Variants in FLT1 observed in about 807,000 individuals in gnomAD.
The protein encoded by FLT1 is fms related receptor tyrosine kinase 1.
FLT1 carries 49 observed loss-of-function variants against 156.3 expected under a neutral mutation model. The ratio of observed to expected loss-of-function variants is 0.31; its 90% CI spans 0.25 to 0.40. The LOEUF (loss-of-function observed/expected upper bound fraction) is 0.40, where lower values mean the gene tolerates loss of function less well. Ranked by LOEUF, FLT1 falls within the 10% of genes least tolerant of loss-of-function variation. The pLI is 1.00. For synonymous variants in FLT1, 594 were observed against 583.8 expected (o/e 1.02, Z -0.25); for missense variants, 1,322 against 1,637.2 (o/e 0.81, Z 3.32).
At chr13:28,475,867 G>A (rs1438014124) in intron 1 of FLT1, among the ~76,000 whole-genome samples, 3 of 152,176 alleles carry the variant, frequency 2.0e-5, no homozygotes, top group Non-Finnish European at 4.4e-5. Flanking sequence ...CTTTGATGAA[G>A]AGCATTATAA....
intron 1 of FLT1, among the ~76,000 whole-genome samples, chr13:28,493,062 A>G (rs1441214643): frequency 6.6e-6 from 1 of 152,228 alleles, no homozygotes; most frequent in Admixed American, 6.5e-5. Context: ...CCACTGATCT[A>G]AGATGCTTCC....
chr13:28,466,534 C>T (rs1033682324), intron 3 of FLT1, among the ~76,000 whole-genome samples: 1 of 152,160 alleles, frequency 6.6e-6, no homozygotes, highest in African/African-American at 2.4e-5. Flanking sequence ...TAAGAGAATG[C>T]AGCTGTGTTA....
rs57304530 is a variant in FLT1 at position 28,357,868 on chromosome 13, C to CTTTTTTTTTTTTTTTTTTTT, written c.2117-203_2117-184dup. Among the ~76,000 whole-genome samples the CTTTTTTTTTTTTTTTTTTTT allele has an allele frequency of 3.7e-4, 39 of 104,724 alleles. 1 individual carries two copies. The highest frequency in any genetic ancestry group is 1.2e-3 in the African/African-American group (33 of 26,970). The allele number at this position is 104,724 out of a possible 152,430, so 68.7% of individuals were successfully genotyped here. A position where few individuals can be genotyped will look rare whatever the true frequency, so the allele number is the denominator to read the frequency against. ...CCAGGCTTTCTTTTTCTTTTCTTTC[C>CTTTTTTTTTTTTTTTTTTTT]TTTTTTTTTTTTTTTTTTTTTCTGC... On this transcript the variant is annotated intron_variant, in intron 14 of 29. Coordinates refer to ENST00000282397, the MANE Select transcript of FLT1 (RefSeq NM_002019.4).
intron 14 of FLT1, among the ~76,000 whole-genome samples, chr13:28,366,043 A>G (rs1279189571): frequency 6.6e-6 from 1 of 152,150 alleles, no homozygotes; most frequent in Non-Finnish European, 1.5e-5. Context: ...GCTCCAACCT[A>G]TTGAGAATTT....
chr13:28,413,078 C>T (rs998995218), intron 10 of FLT1, among the ~76,000 whole-genome samples: 4 of 151,996 alleles, frequency 2.6e-5, no homozygotes, highest in African/African-American at 9.7e-5. Context: ...GGAGCTCATA[C>T]TGAAAATTAC....
rs891852514 is a variant in FLT1 at position 28,386,225 on chromosome 13, C to T, written c.1970-1194G>A. The T allele has an allele frequency of 1.2e-5, 13 of 1,053,106 alleles. No individual in the cohort carries two copies. In the Admixed American group the frequency reaches 5.5e-4, roughly 44 times the overall value. 65.2% of individuals were successfully genotyped at this position (1,053,106 alleles called of 1,614,324 possible). On this transcript the variant is annotated intron_variant, in intron 13 of 29. Transcript: ENST00000282397. ...ATTCCATGTCCCTGCAGGGTTCTGCCACGTCCCAAAACCTTTCCCTTTTGA... is the reference window on the plus strand; with the variant it reads ...ATTCCATGTCCCTGCAGGGTTCTGCTACGTCCCAAAACCTTTCCCTTTTGA...
At chr13:28,457,348 A>G (rs977265828) in intron 3 of FLT1, among the ~76,000 whole-genome samples, 1 of 152,160 alleles carries the variant, frequency 6.6e-6, no homozygotes, top group Non-Finnish European at 1.5e-5. Context: ...TTATTAAGCA[A>G]TTTGTCCAAA....
chr13:28,357,425 A>G (rs1593705569), intron 15 of FLT1, 129 bp downstream of exon 15: 19 of 906,598 alleles, frequency 2.1e-5, no homozygotes, highest in South Asian at 1.3e-5. Flanking sequence ...TGGCAGGGAG[A>G]GGGGAGAAGG....
chr13:28,315,384 A>G (rs1488476929), intron 25 of FLT1, among the ~76,000 whole-genome samples: 1 of 152,178 alleles, frequency 6.6e-6, no homozygotes, highest in Admixed American at 6.5e-5. Context: ...GAGAAACCCC[A>G]TCTCTACAAA....
intron 3 of FLT1, among the ~76,000 whole-genome samples, chr13:28,440,657 G>T (rs944749189): frequency 1.3e-5 from 2 of 152,110 alleles, no homozygotes; most frequent in Non-Finnish European, 2.9e-5. Flanking sequence ...TTCAGAGTAC[G>T]CCTCAAAGCC....
At chr13:28,461,409 A>G (rs1337858555) in intron 3 of FLT1, among the ~76,000 whole-genome samples, 4 of 152,270 alleles carry the variant, frequency 2.6e-5, no homozygotes, top group African/African-American at 9.6e-5. Flanking sequence ...TGGTTTCTCA[A>G]TGTATGAGCT....
chr13:28,377,962 T>A lies in FLT1; in HGVS notation c.2116+6923A>T, dbSNP rs537582953. Reference sequence around the variant, plus strand: ...CTTTATACATGGCATGTCTAGTTTTTAAAAAAAATGCTTTATGTGATTTTA... The same window carrying A: ...CTTTATACATGGCATGTCTAGTTTTAAAAAAAAATGCTTTATGTGATTTTA... On this transcript the variant is annotated intron_variant, in intron 14 of 29. Coordinates refer to ENST00000282397, the MANE Select transcript of FLT1 (RefSeq NM_002019.4). Among the ~76,000 whole-genome samples, 10 of 152,118 alleles carry A rather than the reference T, an allele frequency of 6.6e-5. No homozygotes were observed. In the East Asian group the frequency reaches 9.6e-4, roughly 15 times the overall value.
chr13:28,309,920 T>C (rs113112184), intron 27 of FLT1, among the ~76,000 whole-genome samples: 26,540 of 135,958 alleles, frequency 0.2, 2,847 homozygotes, highest in Non-Finnish European at 0.24. Context: ...GACAGAGCCT[T>C]GCTCTGTCAC....
At chr13:28,417,022 G>A (rs1187711529) in intron 10 of FLT1, among the ~76,000 whole-genome samples, 1 of 152,172 alleles carries the variant, frequency 6.6e-6, no homozygotes, top group Non-Finnish European at 1.5e-5. Context: ...TGCGCATACT[G>A]CAGGCTGAAG....
intron 10 of FLT1, among the ~76,000 whole-genome samples, chr13:28,411,518 C>A (rs1223728752): frequency 6.9e-6 from 1 of 144,140 alleles, no homozygotes; most frequent in Non-Finnish European, 1.5e-5. Flanking sequence ...TGCGCTCCAG[C>A]CTGGTCAAGA....
Position 28,431,173 on chromosome 13 carries a change from T to C in FLT1, c.951A>G (p.Pro317=). 6.2e-7 allele frequency: 1 copy of C among 1,613,914 alleles called. No homozygotes were observed. The highest frequency in any genetic ancestry group is 1.1e-5 in the South Asian group (1 of 91,078). ...CTGAGGTGTTAACAGATTTGAATGATGGTCCACTCCTTACACGACAAGTAT... is the reference window on the plus strand; with the variant it reads ...CTGAGGTGTTAACAGATTTGAATGACGGTCCACTCCTTACACGACAAGTAT... The part of the protein sequence containing the change: ...GLYTCRVRSG[P]SFKSVNTSVH... Residue 317 remains proline, a synonymous_variant, in exon 7 of 30, where the codon CCA becomes CCG. Coordinates refer to ENST00000282397, the MANE Select transcript of FLT1 (RefSeq NM_002019.4).
intron 13 of FLT1, chr13:28,389,505 G>T: frequency 7.1e-7 from 1 of 1,415,940 alleles, no homozygotes; most frequent in Admixed American, 3.0e-5. Context: ...AAATCCAAAC[G>T]TGCACCAAGT....
At chr13:28,372,994 T>C (rs1873689295) in intron 14 of FLT1, among the ~76,000 whole-genome samples, 1 of 152,186 alleles carries the variant, frequency 6.6e-6, no homozygotes, top group South Asian at 2.1e-4. Flanking sequence ...AAAAGCTATA[T>C]GAGTTCAAAT....
chr13:28,318,547 A>G (rs757524691), intron 24 of FLT1, among the ~76,000 whole-genome samples: 3 of 152,190 alleles, frequency 2.0e-5, no homozygotes, highest in Non-Finnish European at 4.4e-5. Flanking sequence ...GCTGGTAGGA[A>G]GCAGCTGGGA....
Sources: allele counts gnomAD v4.1 joint callset (sites outside exome capture counted in the v4.1 genomes callset), GRCh38; gene constraint gnomAD v4.1.1; transcripts MANE v1.5; gene names NCBI Gene and HGNC (gene_info 2026-07-23, HGNC 2026-07-21).